The following ST6GALNAC3 variants were observed in gnomAD, a reference collection of about 807,000 sequenced individuals.
ST6GALNAC3 encodes the protein alpha-N-acetylgalactosaminide alpha-2,6-sialyltransferase 3.
In ST6GALNAC3, 25 loss-of-function variants were observed where a neutral mutation model predicts 32.7. The ratio of observed to expected loss-of-function variants is 0.76; its 90% CI spans 0.56 to 1.07. ST6GALNAC3 has a LOEUF of 1.07. Among genes scored for constraint, ST6GALNAC3 ranks in the 50% least tolerant of loss-of-function variants. ST6GALNAC3 has a pLI of 0.00. For synonymous variants in ST6GALNAC3, 129 were observed against 133.1 expected (o/e 0.97, Z 0.21); for missense variants, 355 against 382.4 (o/e 0.93, Z 0.60).
Position 76,456,505 on chromosome 1 carries a change from G to C in ST6GALNAC3, c.623+44088G>C, listed in dbSNP as rs2101576784. Among the ~76,000 whole-genome samples, 3 of 152,012 alleles carry C rather than the reference G, an allele frequency of 2.0e-5. No homozygotes were observed. In the South Asian group the frequency reaches 6.2e-4, roughly 32 times the overall value. ...ATAAGAAGCATGTTTCACCACATCT[G>C]GCTAATAGATATTTCTTTTAAGTTT... On this transcript the variant is annotated intron_variant, in intron 3 of 4. Coordinates refer to ENST00000328299, the MANE Select transcript of ST6GALNAC3 (RefSeq NM_152996.4).
chr1:76,601,610 T>G (rs1647239927), intron 3 of ST6GALNAC3, among the ~76,000 whole-genome samples: 1 of 152,232 alleles, frequency 6.6e-6, no homozygotes, highest in South Asian at 2.1e-4. Context: ...ATGCTGTATT[T>G]CATTAACCCT....
intron 1 of ST6GALNAC3, among the ~76,000 whole-genome samples, chr1:76,282,195 C>T (rs1432341931): frequency 6.6e-6 from 1 of 151,562 alleles, no homozygotes; most frequent in Non-Finnish European, 1.5e-5. Context: ...CTTTGTCCTG[C>T]CTTGAGAGAC....
intron 1 of ST6GALNAC3, among the ~76,000 whole-genome samples, chr1:76,268,047 A>C (rs1658633251): frequency 6.6e-6 from 1 of 152,210 alleles, no homozygotes; most frequent in South Asian, 2.1e-4. Context: ...ATCTCCATTT[A>C]TGTAGGGAAG....
At chr1:76,177,351 A>T (rs915607917) in intron 1 of ST6GALNAC3, among the ~76,000 whole-genome samples, 1 of 152,140 alleles carries the variant, frequency 6.6e-6, no homozygotes, top group Non-Finnish European at 1.5e-5. Context: ...AGAGCTTAAA[A>T]TTTCTTTAGG....
At chr1:76,567,941 C>T (rs1045658154) in intron 3 of ST6GALNAC3, among the ~76,000 whole-genome samples, 3 of 152,042 alleles carry the variant, frequency 2.0e-5, no homozygotes, top group Admixed American at 1.3e-4. Flanking sequence ...CTCTGTGCTT[C>T]GGTAGTTGCA....
chr1:76,098,694 G>A (rs1406233761), intron 1 of ST6GALNAC3, among the ~76,000 whole-genome samples: 1 of 151,974 alleles, frequency 6.6e-6, no homozygotes, highest in Non-Finnish European at 1.5e-5. Context: ...CCAATCATAT[G>A]TGTTGCAAAT....
chr1:76,446,057 G>T (rs1656946077), intron 3 of ST6GALNAC3, among the ~76,000 whole-genome samples: 1 of 152,088 alleles, frequency 6.6e-6, no homozygotes, highest in Non-Finnish European at 1.5e-5. Flanking sequence ...TAAAGCAAAA[G>T]TTCAGTGTTT....
intron 3 of ST6GALNAC3, among the ~76,000 whole-genome samples, chr1:76,447,946 G>T (rs899164893): frequency 2.6e-5 from 4 of 152,272 alleles, no homozygotes; most frequent in Admixed American, 6.5e-5. Flanking sequence ...CCTTACTGGG[G>T]CATCACCTAG....
At chr1:76,114,394 G>A (rs1464398389) in intron 1 of ST6GALNAC3, among the ~76,000 whole-genome samples, 1 of 152,112 alleles carries the variant, frequency 6.6e-6, no homozygotes, top group Non-Finnish European at 1.5e-5. Flanking sequence ...TCCTAGAACA[G>A]GGAGCACCTG....
At chr1:76,519,974 C>T (rs1413883177) in intron 3 of ST6GALNAC3, among the ~76,000 whole-genome samples, 1 of 151,406 alleles carries the variant, frequency 6.6e-6, no homozygotes, top group East Asian at 1.9e-4. Context: ...TATATTTTTA[C>T]ACTTATATAC....
intron 1 of ST6GALNAC3, among the ~76,000 whole-genome samples, chr1:76,219,736 A>T (rs1428156574): frequency 6.6e-6 from 1 of 152,198 alleles, no homozygotes; most frequent in Non-Finnish European, 1.5e-5. Context: ...GCATGATTTG[A>T]TAGTGTGCCA....
Position 76,632,097 on chromosome 1 carries a change from T to C in ST6GALNAC3, c.*3291T>C, listed in dbSNP as rs1377140481. On this transcript the variant is annotated 3_prime_UTR_variant, in exon 5 of 5. Coordinates refer to ENST00000328299, the MANE Select transcript of ST6GALNAC3 (RefSeq NM_152996.4). ...ATATACATCTATATACTTATAACTA[T>C]ATATAAAAGCATATATATAATCCTA... 6.6e-6 allele frequency: 1 copy of C among 152,094 alleles called. No individual in the cohort carries two copies. The highest frequency in any genetic ancestry group is 1.9e-4 in the East Asian group (1 of 5,200). 9.4% of individuals were successfully genotyped at this position (152,094 alleles called of 1,614,324 possible). A position where few individuals can be genotyped will look rare whatever the true frequency, so the allele number is the denominator to read the frequency against.
chr1:76,427,945 C>T (rs1655505835), intron 3 of ST6GALNAC3, among the ~76,000 whole-genome samples: 1 of 152,120 alleles, frequency 6.6e-6, no homozygotes, highest in African/African-American at 2.4e-5. Context: ...GGACATCTCT[C>T]TAAGTCCACC....
chr1:76,451,215 T>C lies in ST6GALNAC3; in HGVS notation c.623+38798T>C, dbSNP rs184799116. On this transcript the variant is annotated intron_variant, in intron 3 of 4. Transcript: ENST00000328299. ...CTCATGCTGCTAAGAAAGACATACCTGAGACTGGGTAATTTAGAAAGGAAA... is the reference window on the plus strand; with the variant it reads ...CTCATGCTGCTAAGAAAGACATACCCGAGACTGGGTAATTTAGAAAGGAAA... Among the ~76,000 whole-genome samples, 10 of 152,314 alleles carry C rather than the reference T, an allele frequency of 6.6e-5. No individual in the cohort carries two copies. In the East Asian group the frequency reaches 1.7e-3, roughly 26 times the overall value.
At position 76,352,051 on chromosome 1, in the gene ST6GALNAC3, G is replaced by A. The variant is rs141839713; in HGVS notation, c.213+38052G>A. Among the ~76,000 whole-genome samples the A allele has an allele frequency of 5.3e-3, 810 of 152,070 alleles. 4 individuals are homozygous for A. Among genetic ancestry groups the A allele is most frequent in the African/African-American group, 0.019 (770 of 41,490 alleles). ...AGTATCAAATTTCATGTGGGAGGGGGTATAAGTAGGATAAAATTGTCTTAA... is the reference window on the plus strand; with the variant it reads ...AGTATCAAATTTCATGTGGGAGGGGATATAAGTAGGATAAAATTGTCTTAA... On this transcript the variant is annotated intron_variant, in intron 2 of 4. Coordinates refer to ENST00000328299, the MANE Select transcript of ST6GALNAC3 (RefSeq NM_152996.4).
chr1:76,231,887 T>C (rs768241408), intron 1 of ST6GALNAC3, among the ~76,000 whole-genome samples: 15 of 152,382 alleles, frequency 9.8e-5, no homozygotes, highest in African/African-American at 3.4e-4. Context: ...ATGGTAATTC[T>C]ATTTTTTAAC....
chr1:76,262,377 T>C (rs2100731989), intron 1 of ST6GALNAC3, among the ~76,000 whole-genome samples: 1 of 152,344 alleles, frequency 6.6e-6, no homozygotes, highest in Non-Finnish European at 1.5e-5. Flanking sequence ...TATTGGACTC[T>C]GTTCATATGG....
chr1:76,096,443 AT>A (rs1350801968), intron 1 of ST6GALNAC3, among the ~76,000 whole-genome samples: 1 of 152,164 alleles, frequency 6.6e-6, no homozygotes, highest in East Asian at 1.9e-4. Flanking sequence ...TGGAATATTA[AT>A]GTAAAAACTT....
chr1:76,278,740 C>T (rs577756561), intron 1 of ST6GALNAC3, among the ~76,000 whole-genome samples: 35 of 152,198 alleles, frequency 2.3e-4, no homozygotes, highest in Admixed American at 2.0e-3. Flanking sequence ...CTCACCACAA[C>T]GTTCGAAGTT....
Sources: allele counts gnomAD v4.1 joint callset (sites outside exome capture counted in the v4.1 genomes callset), GRCh38; gene constraint gnomAD v4.1.1; transcripts MANE v1.5; gene names NCBI Gene and HGNC (gene_info 2026-07-23, HGNC 2026-07-21).